RGSL1: variants seen among roughly 807,000 people sequenced by gnomAD.
RGSL1 encodes the protein regulator of G protein signaling protein-like.
Under a neutral mutation model 124.7 loss-of-function variants are expected in RGSL1, and 97 were observed. That is an observed-to-expected ratio of 0.78 (90% CI 0.66 to 0.92). The LOEUF (loss-of-function observed/expected upper bound fraction) is 0.92, where lower values mean the gene tolerates loss of function less well. Among genes scored for constraint, RGSL1 ranks in the 40% least tolerant of loss-of-function variants. The probability of loss-of-function intolerance (pLI) is 0.00; values close to 1 mark genes in which losing one functional copy is unlikely to be tolerated. For synonymous variants in RGSL1, 424 were observed against 438.1 expected (o/e 0.97, Z 0.40); for missense variants, 1,233 against 1,288.4 (o/e 0.96, Z 0.66).
intron 17 of RGSL1, 175 bp downstream of exon 17, chr1:182,548,999 A>C: frequency 1.4e-6 from 1 of 711,916 alleles, no homozygotes; most frequent in Non-Finnish European, 2.2e-6. Context: ...AGAACACCAA[A>C]CACTGAATCC....
chr1:182,559,143 C>A (rs983908613), intron 21 of RGSL1, among the ~76,000 whole-genome samples: 4 of 152,190 alleles, frequency 2.6e-5, no homozygotes, highest in Non-Finnish European at 5.9e-5. Context: ...CTCCCTGTGG[C>A]TCTCCTGTTG....
intron 14 of RGSL1, among the ~76,000 whole-genome samples, chr1:182,533,811 T>G (rs80251070): frequency 0.02 from 3,017 of 152,256 alleles, 104 homozygotes; most frequent in African/African-American, 0.069. Flanking sequence ...TGCAGGGAGA[T>G]CCTATTAGTC....
intron 1 of RGSL1, among the ~76,000 whole-genome samples, chr1:182,453,076 G>A (rs142768080): frequency 6.6e-6 from 1 of 152,164 alleles, no homozygotes; most frequent in Non-Finnish European, 1.5e-5. Flanking sequence ...TACTAGAGGA[G>A]TTAGTTGCTT....
In RGSL1 at chr1:182,521,907, T is replaced by C. The variant is rs1227875920; in HGVS notation, c.1826-97T>C. 1.5e-5 allele frequency: 12 copies of C among 825,674 alleles called. No individual in the cohort carries two copies. The Admixed American group carries it at 3.3e-4, about 23-fold the overall frequency. 51.1% of individuals were successfully genotyped at this position (825,674 alleles called of 1,614,324 possible). On this transcript the variant is annotated intron_variant, in intron 9 of 21. Coordinates refer to ENST00000294854, the MANE Select transcript of RGSL1 (RefSeq NM_001137669.2). ...CAGCAGTTGTGGGGACAGGGATTTT[T>C]TCACATGAACTTTATGTCTGAAAAA...
chr1:182,518,404 T>G (rs917944107), intron 9 of RGSL1, among the ~76,000 whole-genome samples: 5 of 152,164 alleles, frequency 3.3e-5, no homozygotes, highest in Admixed American at 3.3e-4. Flanking sequence ...TAGGGGTTTG[T>G]GCCTATGGGA....
At chr1:182,518,372 C>T (rs983096158) in intron 9 of RGSL1, among the ~76,000 whole-genome samples, 3 of 152,150 alleles carry the variant, frequency 2.0e-5, no homozygotes, top group Non-Finnish European at 4.4e-5. Context: ...AGGGAATATC[C>T]TGGCAGTGTG....
intron 2 of RGSL1, among the ~76,000 whole-genome samples, chr1:182,456,147 TA>T (rs1179756006): frequency 1.3e-5 from 2 of 151,984 alleles, no homozygotes; most frequent in African/African-American, 4.8e-5. Flanking sequence ...GAAGCAAGGG[TA>T]ACAGGCTTGG....
chr1:182,468,077 T>TA (rs1295340167), intron 4 of RGSL1, among the ~76,000 whole-genome samples: 2 of 152,120 alleles, frequency 1.3e-5, no homozygotes, highest in African/African-American at 4.8e-5. Flanking sequence ...GATAACATCT[T>TA]ACACTAGTTA....
chr1:182,526,969 A>T (rs915123477), intron 10 of RGSL1, among the ~76,000 whole-genome samples: 1 of 152,188 alleles, frequency 6.6e-6, no homozygotes, highest in African/African-American at 2.4e-5. Context: ...TAACTATAAC[A>T]TAAAGATGAG....
intron 11 of RGSL1, among the ~76,000 whole-genome samples, chr1:182,529,284 T>C (rs946071202): frequency 2.0e-5 from 3 of 152,230 alleles, no homozygotes; most frequent in Non-Finnish European, 4.4e-5. Flanking sequence ...GTTAACTAGC[T>C]TGTACACTTG....
chr1:182,483,643 T>G (rs1165105593), intron 6 of RGSL1, among the ~76,000 whole-genome samples: 1 of 152,200 alleles, frequency 6.6e-6, no homozygotes, highest in Non-Finnish European at 1.5e-5. Flanking sequence ...CTTATTTTCT[T>G]TTTTTAACTT....
At chr1:182,495,719 T>G (rs1449766764) in intron 9 of RGSL1, among the ~76,000 whole-genome samples, 1 of 152,172 alleles carries the variant, frequency 6.6e-6, no homozygotes, top group Admixed American at 6.5e-5. Flanking sequence ...GGTCCATTCA[T>G]GAAACAGGTT....
intron 6 of RGSL1, among the ~76,000 whole-genome samples, chr1:182,487,504 T>C (rs943713274): frequency 6.6e-6 from 1 of 152,214 alleles, no homozygotes; most frequent in Admixed American, 6.5e-5. Flanking sequence ...CATGGCATGA[T>C]CTTTACTCAA....
chr1:182,553,661 A>G lies in RGSL1; in HGVS notation c.3130+120A>G. The G allele has an allele frequency of 5.0e-6, 4 of 804,060 alleles. 1 individual carries two copies. The South Asian group carries it at 7.0e-5, about 14-fold the overall frequency. 49.8% of individuals were successfully genotyped at this position (804,060 alleles called of 1,614,324 possible). A position where few individuals can be genotyped will look rare whatever the true frequency, so the allele number is the denominator to read the frequency against. ...GACTGAGACCCCCAAAATGTGAAGTAACTTGCTGAAGATCACATAGCTTGT... is the reference window on the plus strand; with the variant it reads ...GACTGAGACCCCCAAAATGTGAAGTGACTTGCTGAAGATCACATAGCTTGT... On this transcript the variant is annotated intron_variant, in intron 19 of 21. Transcript: ENST00000294854.
intron 16 of RGSL1, 79 bp downstream of exon 16, chr1:182,548,534 C>A: frequency 1.3e-6 from 2 of 1,534,344 alleles, no homozygotes; most frequent in South Asian, 2.5e-5. Flanking sequence ...AGCTAATTGT[C>A]AGGCACCTCA....
chr1:182,472,566 T>C lies in RGSL1; in HGVS notation c.463+9T>C. 2 of 1,509,780 alleles carry C rather than the reference T, an allele frequency of 1.3e-6. No homozygotes were observed. The highest frequency in any genetic ancestry group is 1.8e-6 in the Non-Finnish European group (2 of 1,118,212). The allele number at this position is 1,509,780 out of a possible 1,614,324, so 93.5% of individuals were successfully genotyped here. A position where few individuals can be genotyped will look rare whatever the true frequency, so the allele number is the denominator to read the frequency against. On this transcript the variant is annotated intron_variant, in intron 5 of 21. Transcript: ENST00000294854. ...CTGTAACATGAACATCAGTAAGAAT[T>C]ATAAAGCATCTTTTTGGGGGGATGC...
At chr1:182,540,525 A>AC in intron 15 of RGSL1, 104 bp downstream of exon 15, 1 of 971,870 alleles carries the variant, frequency 1.0e-6, no homozygotes, top group African/African-American at 1.7e-5. Context: ...GTGATTTCAG[A>AC]CCTGTCCAGT....
chr1:182,538,357 G>A (rs574738432), intron 14 of RGSL1, among the ~76,000 whole-genome samples: 23 of 151,958 alleles, frequency 1.5e-4, no homozygotes, highest in African/African-American at 3.9e-4. Flanking sequence ...GTGACACTCC[G>A]TCTCTACTAA....
intron 21 of RGSL1, among the ~76,000 whole-genome samples, chr1:182,558,591 G>T (rs1004161931): frequency 9.2e-5 from 14 of 152,122 alleles, no homozygotes; most frequent in African/African-American, 2.9e-4. Context: ...ACAGGATGGA[G>T]GTCTCACTTC....
Sources: allele counts gnomAD v4.1 joint callset (sites outside exome capture counted in the v4.1 genomes callset), GRCh38; gene constraint gnomAD v4.1.1; transcripts MANE v1.5; gene names NCBI Gene and HGNC (gene_info 2026-07-23, HGNC 2026-07-21).